The following IQSEC1 variants were observed in gnomAD, a reference collection of about 807,000 sequenced individuals.
IQSEC1 encodes IQ motif and SEC7 domain-containing protein 1.
Under a neutral mutation model 91.0 loss-of-function variants are expected in IQSEC1, and 31 were observed. The observed-to-expected ratio is 0.34, with a 90% confidence interval of 0.26 to 0.46. IQSEC1 has a LOEUF of 0.46. Ranked by LOEUF, IQSEC1 falls within the 20% of genes least tolerant of loss-of-function variation. The probability of loss-of-function intolerance (pLI) is 1.00; values close to 1 mark genes in which losing one functional copy is unlikely to be tolerated. For missense variants in IQSEC1, 1,388 were observed against 1,575.6 expected, an observed-to-expected ratio of 0.88 and a Z score of 2.02; for synonymous variants, 699 against 662.6, an observed-to-expected ratio of 1.05 and a Z score of -0.84.
intron 3 of IQSEC1, among the ~76,000 whole-genome samples, chr3:12,930,725 C>T (rs1302906864): frequency 6.6e-6 from 1 of 152,124 alleles, no homozygotes; most frequent in East Asian, 1.9e-4. Flanking sequence ...TTTGCTTAAC[C>T]CAGTTTGATA....
intron 2 of IQSEC1, among the ~76,000 whole-genome samples, chr3:13,101,660 AAGAGACTC>A (rs904906511): frequency 3.3e-5 from 5 of 151,942 alleles, no homozygotes; most frequent in African/African-American, 1.2e-4. Context: ...AAGGGCTGGG[AAGAGACTC>A]AGAGTCCTGT....
rs1419682376 is a variant in IQSEC1 at position 12,900,977 on chromosome 3, G to A, written c.*6C>T. 1 of 1,543,530 alleles carries A rather than the reference G, an allele frequency of 6.5e-7. No homozygotes were observed. The highest frequency in any genetic ancestry group is 8.7e-7 in the Non-Finnish European group (1 of 1,146,800). On this transcript the variant is annotated 3_prime_UTR_variant, in exon 14 of 14. Transcript: ENST00000613206. ...TCAGGGAGCCTGGGACCCCTACCCA[G>A]GCTGTCTACACAATTGTGCTGATGC...
chr3:13,064,420 G>GA (rs1005068484), intron 1 of IQSEC1, among the ~76,000 whole-genome samples: 93 of 150,844 alleles, frequency 6.2e-4, no homozygotes, highest in Non-Finnish European at 1.1e-3. Flanking sequence ...AAATTACAGA[G>GA]AAAAAAAAAG....
At chr3:13,204,721 A>G (rs993499560) in intron 1 of IQSEC1, among the ~76,000 whole-genome samples, 1 of 151,252 alleles carries the variant, frequency 6.6e-6, no homozygotes, top group Non-Finnish European at 1.5e-5. Context: ...CGTTTTCTCT[A>G]TCTCTTTCTT....
At chr3:13,111,408 G>A (rs796146011) in intron 2 of IQSEC1, among the ~76,000 whole-genome samples, 11 of 152,298 alleles carry the variant, frequency 7.2e-5, no homozygotes, top group East Asian at 1.9e-4. Flanking sequence ...TGATGGGGCC[G>A]AGGCTGCAGC....
intron 2 of IQSEC1, among the ~76,000 whole-genome samples, chr3:13,150,093 G>C (rs1027752182): frequency 3.9e-5 from 6 of 152,138 alleles, no homozygotes; most frequent in African/African-American, 1.4e-4. Context: ...ACAACCTCTA[G>C]ACCAGCCCTG....
chr3:13,141,018 C>G (rs6805063), intron 2 of IQSEC1, among the ~76,000 whole-genome samples: 1 of 152,096 alleles, frequency 6.6e-6, no homozygotes, highest in Non-Finnish European at 1.5e-5. Flanking sequence ...GAGGGCACCA[C>G]GACGAAGGGC....
intron 1 of IQSEC1, among the ~76,000 whole-genome samples, chr3:12,948,470 G>A (rs764431361): frequency 6.6e-6 from 1 of 152,182 alleles, no homozygotes. Context: ...GGGGATGGGT[G>A]AGAAAGGCAG....
At chr3:13,074,746 G>T (rs1705534836), upstream of IQSEC1, among the ~76,000 whole-genome samples, 1 of 152,220 alleles carries the variant, frequency 6.6e-6, no homozygotes, top group South Asian at 2.1e-4. Flanking sequence ...GCTGGATGTG[G>T]ATGGCAGCCC....
At chr3:13,204,802 TTTC>T (rs1376197039) in intron 1 of IQSEC1, among the ~76,000 whole-genome samples, 9 of 147,770 alleles carry the variant, frequency 6.1e-5, no homozygotes, top group East Asian at 2.2e-4. Context: ...TCTATCTTTC[TTTC>T]TTTTTTTTTT....
intron 1 of IQSEC1, among the ~76,000 whole-genome samples, chr3:12,969,774 T>C (rs1335463085): frequency 1.3e-5 from 2 of 152,202 alleles, no homozygotes; most frequent in Non-Finnish European, 2.9e-5. Flanking sequence ...TTGGCGACAT[T>C]GTCTCGGCTG....
chr3:13,218,867 C>T lies in IQSEC1; in HGVS notation c.273-54734G>A, dbSNP rs1014608613. Among the ~76,000 whole-genome samples the T allele has an allele frequency of 6.6e-5, 10 of 152,150 alleles. 1 individual carries two copies. Among genetic ancestry groups the T allele is most frequent in the Non-Finnish European group, 5.9e-5 (4 of 68,008 alleles). ...GAACCTGGAGGAAGGAGGGCAGCCC[C>T]GGCCGCCACCTCTACCCCCAGAGGC... On this transcript the variant is annotated intron_variant, in intron 1 of 15. Transcript: ENST00000648114.
intron 1 of IQSEC1, among the ~76,000 whole-genome samples, chr3:12,985,510 G>A (rs893140797): frequency 4.7e-5 from 7 of 150,216 alleles, no homozygotes; most frequent in Non-Finnish European, 7.4e-5. Flanking sequence ...CCCGCCAACC[G>A]TTTGCCCTGT....
intron 2 of IQSEC1, among the ~76,000 whole-genome samples, chr3:13,154,434 CATGCATATATATAT>C (rs1707048267): frequency 3.4e-5 from 1 of 29,306 alleles, no homozygotes; most frequent in African/African-American, 1.1e-4. Flanking sequence ...CTGGAACTTA[CATGCATATATATAT>C]ATATATATAT....
At position 12,935,297 on chromosome 3, in the gene IQSEC1, G is replaced by T; in HGVS notation, c.1568+151C>A. The T allele has an allele frequency of 1.4e-6, 1 of 739,260 alleles. No homozygotes were observed. Among genetic ancestry groups the T allele is most frequent in the Non-Finnish European group, 2.2e-6 (1 of 455,948 alleles). The allele number at this position is 739,260 out of a possible 1,614,324, so 45.8% of individuals were successfully genotyped here. On this transcript the variant is annotated intron_variant, in intron 3 of 13. Transcript: ENST00000613206. This position sits in a 1 kb window ranked among gnomAD's most constrained non-coding sequence, Gnocchi z 8.0. ...AGGCCTCAGCGCACAGGCTGGCACCGTCCTAGCCACCGACCTTGTGTGGCA... is the reference window on the plus strand; with the variant it reads ...AGGCCTCAGCGCACAGGCTGGCACCTTCCTAGCCACCGACCTTGTGTGGCA...
rs373498322 is a variant in IQSEC1 at position 12,962,102 on chromosome 3, C to T, written c.24-20237G>A. Among the ~76,000 whole-genome samples, 25 of 152,312 alleles carry T rather than the reference C, an allele frequency of 1.6e-4. 1 individual carries two copies. In the South Asian group the frequency reaches 5.2e-3, roughly 32 times the overall value. ...ATGAGATGGGTGACTGACGCCAGGG[C>T]TCTAGGGAGGCAGACGACCAACGGT... is the stretch of plus-strand genomic sequence containing the variant. On this transcript the variant is annotated intron_variant, in intron 1 of 13. Transcript: ENST00000613206.
At chr3:13,029,731 C>A (rs1278422278) in intron 1 of IQSEC1, among the ~76,000 whole-genome samples, 1 of 152,234 alleles carries the variant, frequency 6.6e-6, no homozygotes, top group Non-Finnish European at 1.5e-5. Flanking sequence ...TGCGTGCATG[C>A]GTGCACGTGT....
At chr3:13,111,706 A>AT (rs1706248604) in intron 2 of IQSEC1, among the ~76,000 whole-genome samples, 1 of 152,180 alleles carries the variant, frequency 6.6e-6, no homozygotes, top group South Asian at 2.1e-4. Flanking sequence ...CAGTGTCCTC[A>AT]TAAGAAGAAA....
In IQSEC1 at chr3:12,913,573, C is replaced by T. The variant is rs753183728; in HGVS notation, c.2191-20G>A. 3.1e-6 allele frequency: 5 copies of T among 1,593,748 alleles called. No individual in the cohort carries two copies. Among genetic ancestry groups the T allele is most frequent in the Non-Finnish European group, 4.3e-6 (5 of 1,167,354 alleles). On this transcript the variant is annotated intron_variant, in intron 8 of 13. Transcript: ENST00000613206. ...GAGCACCTGTGTGGGAAGAGGCTGT[C>T]CTGCCACGGCCGCCCAGCTCTCCTC...
Sources: gnomAD v4.1 joint callset for allele counts (sites outside exome capture counted in the v4.1 genomes callset) on GRCh38, gnomAD v4.1.1 for gene constraint, Gnocchi (gnomAD v3.1) non-coding constraint, MANE v1.5 for transcripts, NCBI Gene and HGNC (gene_info 2026-07-23, HGNC 2026-07-21) for gene names.